Variants in RABEPK observed in about 807,000 individuals in gnomAD.
RABEPK encodes Rab9 effector protein with kelch motifs, also known as 40 kDa Rab9 effector protein.
Under a neutral mutation model 34.1 loss-of-function variants are expected in RABEPK, and 27 were observed. That is an observed-to-expected ratio of 0.79 (90% confidence interval 0.58 to 1.09). The LOEUF is 1.09. RABEPK is among the 50% of genes least tolerant of loss of function. The pLI, the probability that RABEPK is intolerant of heterozygous loss-of-function variation, is 0.00. For synonymous variants in RABEPK, 172 were observed against 169.2 expected (o/e 1.02, Z -0.13); for missense variants, 449 against 462.6 (o/e 0.97, Z 0.27).
intron 1 of RABEPK, among the ~76,000 whole-genome samples, chr9:125,201,337 A>G (rs1829891743): frequency 6.6e-6 from 1 of 152,226 alleles, no homozygotes; most frequent in Admixed American, 6.5e-5. Flanking sequence ...CTGCCATATT[A>G]CAAGAACAGC....
chr9:125,206,521 A>G (rs1448459172), intron 2 of RABEPK, among the ~76,000 whole-genome samples: 1 of 151,308 alleles, frequency 6.6e-6, no homozygotes, highest in Non-Finnish European at 1.5e-5. Flanking sequence ...AGAGAGAGAG[A>G]TAGTGGAATG....
intron 5 of RABEPK, among the ~76,000 whole-genome samples, chr9:125,226,647 C>T (rs1264686790): frequency 2.0e-5 from 3 of 151,688 alleles, no homozygotes; most frequent in Non-Finnish European, 2.9e-5. Flanking sequence ...GGGCGAATCA[C>T]GAGGTCAAGA....
intron 5 of RABEPK, among the ~76,000 whole-genome samples, chr9:125,224,202 C>CAAAAAAAAAAAAAAAAAAAAAAAAA (rs199760125): frequency 1.2e-5 from 1 of 84,938 alleles, no homozygotes; most frequent in African/African-American, 3.9e-5. Context: ...TCTCAAAAAA[C>CAAAAAAAAAAAAAAAAAAAAAAAAA]AAAAACAAAA....
rs548899162 is a variant in RABEPK at position 125,211,059 on chromosome 9, C to T, written c.212-2311C>T. Among the ~76,000 whole-genome samples the T allele has an allele frequency of 1.1e-3, 172 of 150,614 alleles. 1 individual carries two copies. Among genetic ancestry groups the T allele is most frequent in the African/African-American group, 3.8e-3 (158 of 41,206 alleles). On this transcript the variant is annotated intron_variant, in intron 3 of 7. Transcript: ENST00000373538. ...ACCATCCTGGCTAACACGGTGAAAA[C>T]CCATCTCTACTAAAAATAAAAAAAA...
At chr9:125,201,348 A>G (rs1006114784) in intron 1 of RABEPK, among the ~76,000 whole-genome samples, 1 of 152,228 alleles carries the variant, frequency 6.6e-6, no homozygotes, top group Non-Finnish European at 1.5e-5. Context: ...CAAGAACAGC[A>G]AAAAAACCAA....
In RABEPK at chr9:125,200,820, C is replaced by T. The variant is rs756695985; in HGVS notation, c.-93C>T. 3.4e-5 allele frequency: 16 copies of T among 471,144 alleles called. No individual in the cohort carries two copies. Among genetic ancestry groups the T allele is most frequent in the South Asian group, 2.2e-4 (14 of 64,582 alleles). 29.2% of individuals were successfully genotyped at this position (471,144 alleles called of 1,614,324 possible). On this transcript the variant is annotated 5_prime_UTR_variant, in exon 1 of 8. Coordinates refer to ENST00000373538, the MANE Select transcript of RABEPK (RefSeq NM_005833.4). ...ATGAGATTTGCTGGGCTGGTAGCGG[C>T]GGCTGCTGCGGGAGGTCCCGCCCAC... is the stretch of plus-strand genomic sequence containing the variant.
intron 6 of RABEPK, among the ~76,000 whole-genome samples, chr9:125,231,122 G>T (rs1832142119): frequency 6.6e-6 from 1 of 151,728 alleles, no homozygotes; most frequent in Non-Finnish European, 1.5e-5. Context: ...GGCCAACATG[G>T]TGAAACCCTG....
rs1831881852 is a variant in RABEPK at position 125,227,966 on chromosome 9, G to T, written c.583G>T (p.Gly195Cys). 2 of 1,609,180 alleles carry T rather than the reference G, an allele frequency of 1.2e-6. No homozygotes were observed. The highest frequency in any genetic ancestry group is 2.2e-5 in the South Asian group (2 of 90,340). ...TGGAAATCCTCCATCTCCCCGGCATGGTCATGTGATGGTGGCAGCAGGGAC... is the reference window on the plus strand; with the variant it reads ...TGGAAATCCTCCATCTCCCCGGCATTGTCATGTGATGGTGGCAGCAGGGAC... ...TLGNPPSPRH[G>C]HVMVAAGTKL... is the part of the protein sequence containing the mutation. Residue 195 changes from glycine (G) to cysteine (C), a missense_variant, in exon 6 of 8, where the codon GGT becomes TGT. By Grantham distance (159) the Gly-to-Cys change is radical (BLOSUM62 -3). Transcript: ENST00000373538.
chr9:125,233,903 C>T lies in RABEPK; in HGVS notation c.1042C>T (p.Leu348=), dbSNP rs1353000564. ...DSHEESQTAT[L]LCLVFGGMNT... ...ACATGAGGAAAGCCAGACTGCTACACTGCTCTGTTTGGTGTTTGGTGGGAT... is the reference window on the plus strand; with the variant it reads ...ACATGAGGAAAGCCAGACTGCTACATTGCTCTGTTTGGTGTTTGGTGGGAT... The change falls in exon 8 of 8, where the codon CTG becomes TTG. Residue 348 remains leucine, a synonymous_variant. Transcript: ENST00000373538. 1 of 1,613,486 alleles carries T rather than the reference C, an allele frequency of 6.2e-7. No individual in the cohort carries two copies. Among genetic ancestry groups the T allele is most frequent in the Non-Finnish European group, 8.5e-7 (1 of 1,179,534 alleles).
chr9:125,205,874 A>G (rs1830194398), intron 2 of RABEPK, among the ~76,000 whole-genome samples: 1 of 152,192 alleles, frequency 6.6e-6, no homozygotes, highest in Non-Finnish European at 1.5e-5. Context: ...GAATATATAG[A>G]TGAGTGATAA....
intron 2 of RABEPK, among the ~76,000 whole-genome samples, chr9:125,207,070 CAA>C (rs1564174005): frequency 2.1e-5 from 3 of 145,026 alleles, no homozygotes; most frequent in African/African-American, 7.6e-5. Context: ...GCCTGGGCAA[CAA>C]GAGCAAAACT....
chr9:125,204,031 CAAAAAAAA>C (rs111335703), intron 2 of RABEPK, among the ~76,000 whole-genome samples: 5 of 82,208 alleles, frequency 6.1e-5, no homozygotes, highest in Middle Eastern at 8.6e-3. Context: ...GAATCCGTTT[CAAAAAAAA>C]AAAAAAAAAA....
intron 1 of RABEPK, 96 bp from the exon 2 acceptor site, chr9:125,202,912 T>C (rs1829995649): frequency 3.7e-6 from 3 of 814,474 alleles, no homozygotes; most frequent in Non-Finnish European, 6.1e-6. Context: ...GGCCTAGAAA[T>C]TAGTACATTC....
chr9:125,207,535 G>A (rs760100359), intron 2 of RABEPK, 29 bp from the exon 3 acceptor site: 12 of 1,606,298 alleles, frequency 7.5e-6, no homozygotes, highest in Middle Eastern at 1.7e-4. Flanking sequence ...CTCTGCTCAG[G>A]CCTCCTGAAT....
chr9:125,218,872 A>G (rs755725865), intron 4 of RABEPK, among the ~76,000 whole-genome samples: 19 of 152,102 alleles, frequency 1.2e-4, no homozygotes, highest in Non-Finnish European at 2.5e-4. Flanking sequence ...GACTATAGGC[A>G]TACGCCACCA....
chr9:125,207,496 A>G lies in RABEPK; in HGVS notation c.54-68A>G. ...TCATTCTGGTGAATATTTCATGAGGAATGGAAAGAGCACACTACTGCATTT... is the reference window on the plus strand; with the variant it reads ...TCATTCTGGTGAATATTTCATGAGGGATGGAAAGAGCACACTACTGCATTT... On this transcript the variant is annotated intron_variant, in intron 2 of 7. Transcript: ENST00000373538. The G allele has an allele frequency of 3.4e-6, 5 of 1,490,338 alleles. No homozygotes were observed. The South Asian group carries it at 5.7e-5, about 17-fold the overall frequency. 92.3% of individuals were successfully genotyped at this position (1,490,338 alleles called of 1,614,324 possible). A position where few individuals can be genotyped will look rare whatever the true frequency, so the allele number is the denominator to read the frequency against.
At position 125,232,737 on chromosome 9, in the gene RABEPK, A is replaced by G. The variant is rs761994851; in HGVS notation, c.818A>G (p.Tyr273Cys). ...GGAGCACTGGACACAATGTACCAGTATCACACAGGTGAGCAGGTGTCCATG... is the reference window on the plus strand; with the variant it reads ...GGAGCACTGGACACAATGTACCAGTGTCACACAGGTGAGCAGGTGTCCATG... Reference protein sequence around the residue: ...PAGALDTMYQYHTEEQHWTLL... With the variant: ...PAGALDTMYQCHTEEQHWTLL... Residue 273 changes from tyrosine (Y) to cysteine (C), a missense_variant, in exon 7 of 8, where the codon TAT becomes TGT. Transcript: ENST00000373538. 12 of 1,613,232 alleles carry G rather than the reference A, an allele frequency of 7.4e-6. No homozygotes were observed. In the South Asian group the frequency reaches 1.3e-4, roughly 18 times the overall value.
chr9:125,207,704 T>G lies in RABEPK; in HGVS notation c.194T>G (p.Val65Gly). The change falls in exon 3 of 8, where the codon GTG becomes GGG. Residue 65 changes from valine to glycine, a missense_variant. Val to Gly is a moderately radical substitution (Grantham distance 109, BLOSUM62 -3). Coordinates refer to ENST00000373538, the MANE Select transcript of RABEPK (RefSeq NM_005833.4). ...AATCCAAACAGAAGCTTCTCAGACG[T>G]GCACACCATGGATCTGGGTAAGATC... Reference protein sequence around the residue: ...GANPNRSFSDVHTMDLGKHQW... With the variant: ...GANPNRSFSDGHTMDLGKHQW... 6.2e-7 allele frequency: 1 copy of G among 1,614,116 alleles called. No homozygotes were observed. The highest frequency in any genetic ancestry group is 1.1e-5 in the South Asian group (1 of 91,086).
chr9:125,234,007 A>G lies in RABEPK; in HGVS notation c.*27A>G, dbSNP rs374110918. 3 of 1,534,644 alleles carry G rather than the reference A, an allele frequency of 2.0e-6. No homozygotes were observed. The highest frequency in any genetic ancestry group is 2.3e-5 in the East Asian group (1 of 44,202). On this transcript the variant is annotated 3_prime_UTR_variant, in exon 8 of 8. Coordinates refer to ENST00000373538, the MANE Select transcript of RABEPK (RefSeq NM_005833.4). ...AAAACCCACATTTTTATTACCTGTC[A>G]GTTACTTTCAGAATAGTTAAGTAAA...
Sources: gnomAD v4.1 joint callset for allele counts (sites outside exome capture counted in the v4.1 genomes callset) on GRCh38, gnomAD v4.1.1 for gene constraint, MANE v1.5 for transcripts, NCBI Gene and HGNC (gene_info 2026-07-23, HGNC 2026-07-21) for gene names.